Variants in SCARA5 observed in about 807,000 individuals in gnomAD.
SCARA5 encodes scavenger receptor class A member 5.
In SCARA5, 45 loss-of-function variants were observed where a neutral mutation model predicts 46.3. The observed-to-expected ratio is 0.97, with a 90% CI of 0.76 to 1.24. The LOEUF (loss-of-function observed/expected upper bound fraction) is 1.24, where lower values mean the gene tolerates loss of function less well. Among genes scored for constraint, SCARA5 ranks in the 50% most tolerant of loss-of-function variants. The pLI is 0.00. For missense variants in SCARA5, 680 were observed against 689.0 expected (o/e 0.99, Z 0.15); for synonymous variants, 333 against 306.5 (o/e 1.09, Z -0.90).
At position 27,910,953 on chromosome 8, in the gene SCARA5, G is replaced by A. The variant is rs148199869; in HGVS notation, c.917-1210C>T. ...ACTCATCTGAGACCACACAGGCGGC[G>A]AGTGAGTGAGGCAGCTGTTGTTTCA... On this transcript the variant is annotated intron_variant, in intron 4 of 8. Coordinates refer to ENST00000354914, the MANE Select transcript of SCARA5 (RefSeq NM_173833.6). 2.9e-3 allele frequency among the ~76,000 whole-genome samples: 439 copies of A among 152,300 alleles called. 1 individual carries two copies. The highest frequency in any genetic ancestry group is 9.8e-3 in the African/African-American group (408 of 41,558).
chr8:27,976,233 A>G (rs923554423), intron 2 of SCARA5, among the ~76,000 whole-genome samples: 10 of 152,044 alleles, frequency 6.6e-5, no homozygotes, highest in African/African-American at 2.4e-4. Context: ...CAGGAAGAAC[A>G]AGAGGTTCCT....
At chr8:27,952,576 C>T (rs1473603209) in intron 3 of SCARA5, among the ~76,000 whole-genome samples, 3 of 152,212 alleles carry the variant, frequency 2.0e-5, no homozygotes, top group African/African-American at 4.8e-5. Context: ...CAAGACCTTC[C>T]TGTGGGCCTG....
intron 2 of SCARA5, among the ~76,000 whole-genome samples, chr8:27,982,686 C>G (rs1808641766): frequency 6.6e-6 from 1 of 152,108 alleles, no homozygotes; most frequent in Non-Finnish European, 1.5e-5. Flanking sequence ...CCCAGGCATG[C>G]AGAGAAGGGA....
At chr8:27,983,677 C>A (rs28526568) in intron 2 of SCARA5, among the ~76,000 whole-genome samples, 57,450 of 152,072 alleles carry the variant, frequency 0.38, 11,307 homozygotes, top group Middle Eastern at 0.52. Context: ...CAGTCCTGAC[C>A]TCTCCGGTCT....
At chr8:27,894,586 C>A (rs1204825237) in intron 7 of SCARA5, among the ~76,000 whole-genome samples, 1 of 152,194 alleles carries the variant, frequency 6.6e-6, no homozygotes, top group African/African-American at 2.4e-5. Flanking sequence ...CTGAGAAGCT[C>A]TGTGGGAGAA....
At chr8:27,899,815 A>G (rs139920474) in intron 7 of SCARA5, among the ~76,000 whole-genome samples, 3 of 152,194 alleles carry the variant, frequency 2.0e-5, no homozygotes, top group African/African-American at 7.2e-5. Flanking sequence ...CAACTTCCAC[A>G]TCCACCTGGT....
At chr8:27,901,910 G>T (rs570406745) in intron 7 of SCARA5, among the ~76,000 whole-genome samples, 1 of 152,194 alleles carries the variant, frequency 6.6e-6, no homozygotes, top group Non-Finnish European at 1.5e-5. Context: ...GCCTAAGGAC[G>T]TGAGGAAGTC....
Position 27,871,092 on chromosome 8 carries a change from T to TTTTA in SCARA5, c.*838_*841dup, listed in dbSNP as rs1286271056. On this transcript the variant is annotated 3_prime_UTR_variant, in exon 9 of 9. Transcript: ENST00000354914. Reference sequence around the variant, plus strand: ...AGTTACACAGGTCCTGCACCCAAGCTTTTAGCTCAGGCCAAGTAAAGACAA... The same window carrying TTTTA: ...AGTTACACAGGTCCTGCACCCAAGCTTTTATTTAGCTCAGGCCAAGTAAAGACAA... 1 of 152,224 alleles carries TTTTA rather than the reference T, an allele frequency of 6.6e-6. No homozygotes were observed. The highest frequency in any genetic ancestry group is 2.4e-5 in the African/African-American group (1 of 41,440). The allele number at this position is 152,224 out of a possible 1,614,324, so 9.4% of individuals were successfully genotyped here. A position where few individuals can be genotyped will look rare whatever the true frequency, so the allele number is the denominator to read the frequency against.
intron 7 of SCARA5, chr8:27,885,938 CAT>C (rs1806888065): frequency 6.5e-6 from 1 of 154,494 alleles, no homozygotes; most frequent in Non-Finnish European, 1.5e-5. Flanking sequence ...AAATTGAAAA[CAT>C]ATGATAACCA....
At chr8:27,974,648 C>T (rs1280823465) in intron 2 of SCARA5, among the ~76,000 whole-genome samples, 1 of 152,102 alleles carries the variant, frequency 6.6e-6, no homozygotes, top group Non-Finnish European at 1.5e-5. Context: ...TCTGACTTCA[C>T]AATGGTTACT....
In SCARA5 at chr8:27,966,488, G is replaced by T; in HGVS notation, c.167C>A (p.Ser56Ter). The change falls in exon 3 of 9, where the codon TCG becomes TAG. Residue 56 changes from serine to a stop codon, truncating the protein, a stop_gained. Coordinates refer to ENST00000354914, the MANE Select transcript of SCARA5 (RefSeq NM_173833.6). LOFTEE classifies it high-confidence loss of function. ...SICCTQLGSL[S>*]ALKHAVLGLY... The stretch of plus-strand genomic sequence containing the variant: ...CCCCAGGACAGCATGCTTCAGGGCC[G>T]ACAGGGACCCCAGCTGGGTACAGCA... The T allele has an allele frequency of 6.2e-7, 1 of 1,613,838 alleles. No individual in the cohort carries two copies. Among genetic ancestry groups the T allele is most frequent in the Non-Finnish European group, 8.5e-7 (1 of 1,179,860 alleles).
At chr8:27,950,827 G>T (rs761499439) in intron 3 of SCARA5, among the ~76,000 whole-genome samples, 1 of 148,430 alleles carries the variant, frequency 6.7e-6, no homozygotes, top group Non-Finnish European at 1.5e-5. Flanking sequence ...CCATTCAACC[G>T]ATCGGAACGA....
intron 1 of SCARA5, among the ~76,000 whole-genome samples, chr8:27,989,185 G>T (rs1339314674): frequency 7.7e-6 from 1 of 129,710 alleles, no homozygotes; most frequent in African/African-American, 3.0e-5. Context: ...GCCCAGGCTG[G>T]ATGGCAGTGG....
At chr8:27,975,790 G>A (rs1470846016) in intron 2 of SCARA5, among the ~76,000 whole-genome samples, 3 of 152,018 alleles carry the variant, frequency 2.0e-5, no homozygotes, top group African/African-American at 4.8e-5. Flanking sequence ...CAGGGCAGAC[G>A]GCTCAGCGAG....
rs17058389 is a variant in SCARA5, at chr8:27,973,941, G to A, written c.113-7399C>T. Among the ~76,000 whole-genome samples the A allele has an allele frequency of 8.4e-3, 1,281 of 152,226 alleles. 19 individuals carry two copies. The highest frequency in any genetic ancestry group is 0.029 in the African/African-American group (1,190 of 41,514). ...TGTGAAGACTTCCTCCTAAAACCGG[G>A]AGCAAGAATACCCCAAAGAGTTTTT... On this transcript the variant is annotated intron_variant, in intron 2 of 8. Transcript: ENST00000354914.
At chr8:27,879,486 A>G in intron 8 of SCARA5, 83 bp downstream of exon 8, 2 of 1,365,844 alleles carry the variant, frequency 1.5e-6, no homozygotes, top group Non-Finnish European at 2.0e-6. Context: ...ATTGCAGTGG[A>G]AGGGACTCGG....
intron 7 of SCARA5, among the ~76,000 whole-genome samples, chr8:27,896,131 C>A (rs1433340398): frequency 6.6e-6 from 1 of 152,174 alleles, no homozygotes; most frequent in African/African-American, 2.4e-5. Context: ...AGTCAACAAG[C>A]ATTTAAAACC....
At position 27,901,994 on chromosome 8, in the gene SCARA5, C is replaced by G. The variant is rs576361816; in HGVS notation, c.1153+2784G>C. Among the ~76,000 whole-genome samples the G allele has an allele frequency of 4.6e-5, 7 of 152,240 alleles. No individual in the cohort carries two copies. In the South Asian group the frequency reaches 1.5e-3, roughly 32 times the overall value. On this transcript the variant is annotated intron_variant, in intron 7 of 8. Transcript: ENST00000354914. ...CCAGTTTCTTTGTTCTACGATTCCT[C>G]TGGGTCTCCCAGAGTCCTCCTCATG...
intron 7 of SCARA5, among the ~76,000 whole-genome samples, chr8:27,881,524 G>C (rs897045192): frequency 7.9e-5 from 12 of 151,344 alleles, no homozygotes; most frequent in Middle Eastern, 3.4e-3. Flanking sequence ...AATACAAGAT[G>C]GGGGAGGGGA....
Sources: gnomAD v4.1 joint callset for allele counts (sites outside exome capture counted in the v4.1 genomes callset) on GRCh38, gnomAD v4.1.1 for gene constraint, MANE v1.5 for transcripts, NCBI Gene and HGNC (gene_info 2026-07-23, HGNC 2026-07-21) for gene names.